The following DNAH12 variants were observed in gnomAD, a reference collection of about 807,000 sequenced individuals.
DNAH12 encodes axonemal beta dynein heavy chain 12.
Under a neutral mutation model 371.5 loss-of-function variants are expected in DNAH12, and 285 were observed. The ratio of observed to expected loss-of-function variants is 0.77; its 90% CI spans 0.70 to 0.85. The LOEUF (loss-of-function observed/expected upper bound fraction) is 0.85. DNAH12 is among the 40% of genes least tolerant of loss of function. The pLI, the probability that DNAH12 is intolerant of heterozygous loss-of-function variation, is 0.00. For missense variants in DNAH12, 3,611 were observed against 3,689.4 expected (o/e 0.98, Z 0.55); for synonymous variants, 1,200 against 1,213.0 (o/e 0.99, Z 0.22).
intron 2 of DNAH12, among the ~76,000 whole-genome samples, chr3:57,535,113 A>T (rs761166101): frequency 6.6e-6 from 1 of 152,240 alleles, no homozygotes; most frequent in Non-Finnish European, 1.5e-5. Context: ...CACATGGTTA[A>T]TAAGCTGCAG....
intron 55 of DNAH12, among the ~76,000 whole-genome samples, chr3:57,373,879 A>G (rs2063228657): frequency 6.6e-6 from 1 of 152,246 alleles, no homozygotes; most frequent in African/African-American, 2.4e-5. Context: ...TGCAAACTCA[A>G]TATGATTATA....
chr3:57,312,960 C>T (rs1293352817), intron 66 of DNAH12, among the ~76,000 whole-genome samples: 1 of 152,136 alleles, frequency 6.6e-6, no homozygotes, highest in Admixed American at 6.5e-5. Context: ...TGATTAAATG[C>T]TTATAGCCTT....
chr3:57,381,877 T>A (rs972776996), intron 50 of DNAH12, among the ~76,000 whole-genome samples: 14,331 of 137,818 alleles, frequency 0.1, 1,227 homozygotes, highest in East Asian at 0.39. Flanking sequence ...ATATATATAT[T>A]TTTTTTTTTA....
At chr3:57,393,637 A>AG (rs2063674657) in intron 44 of DNAH12, among the ~76,000 whole-genome samples, 2 of 143,194 alleles carry the variant, frequency 1.4e-5, no homozygotes, top group African/African-American at 5.8e-5. Flanking sequence ...AAAAAAAAAA[A>AG]AAAAAAAAAA....
At chr3:57,473,657 G>A (rs1203709285) in intron 13 of DNAH12, among the ~76,000 whole-genome samples, 2 of 150,094 alleles carry the variant, frequency 1.3e-5, no homozygotes, top group Non-Finnish European at 3.0e-5. Flanking sequence ...GCAAATTTGA[G>A]GTTTTTGATT....
Position 57,471,590 on chromosome 3 carries a change from T to G in DNAH12, c.1793A>C (p.Lys598Thr). ...CATTAGTTCATTTTCTTTTTTATGT[T>G]TAGCATTCTCAATTAGCTTTTTAAA... is the stretch of plus-strand genomic sequence containing the variant. Reference protein sequence around the residue: ...DENDELIENAKHKKENELMAK... With the variant: ...DENDELIENATHKKENELMAK... The change falls in exon 15 of 74, where the codon AAA becomes ACA. Residue 598 changes from lysine to threonine, a missense_variant. Around this residue, in one of 3 missense-constraint regions of DNAH12, gnomAD observed 1,314 missense variants for 1,398.7 expected, o/e 0.94. Transcript: ENST00000495027. 6.5e-7 allele frequency: 1 copy of G among 1,539,932 alleles called. No individual in the cohort carries two copies. Among genetic ancestry groups the G allele is most frequent in the Non-Finnish European group, 8.7e-7 (1 of 1,143,946 alleles).
At chr3:57,315,294 G>A (rs539851693) in intron 65 of DNAH12, among the ~76,000 whole-genome samples, 2 of 151,456 alleles carry the variant, frequency 1.3e-5, no homozygotes, top group African/African-American at 4.9e-5. Context: ...AATCCATCCA[G>A]CTATTTTCAT....
intron 43 of DNAH12, among the ~76,000 whole-genome samples, chr3:57,397,239 A>T (rs1345249601): frequency 6.6e-6 from 1 of 152,122 alleles, no homozygotes; most frequent in African/African-American, 2.4e-5. Flanking sequence ...GAACACAATT[A>T]CCTTTGTAAG....
At chr3:57,315,184 C>T (rs939929888) in intron 65 of DNAH12, among the ~76,000 whole-genome samples, 1 of 151,842 alleles carries the variant, frequency 6.6e-6, no homozygotes, top group Non-Finnish European at 1.5e-5. Flanking sequence ...AGAGGATGGT[C>T]GCCCAAGTCT....
rs1238205988 is a variant in DNAH12 at position 57,445,102 on chromosome 3, T to C, written c.4425+72A>G. On this transcript the variant is annotated intron_variant, in intron 28 of 73. Coordinates refer to ENST00000495027, the MANE Select transcript of DNAH12 (RefSeq NM_001366028.2). ...AACCCTCTCAAGTGCCTATTTGTAG[T>C]TCCTGATTAACCTCACTAAAGAAAA... is the stretch of plus-strand genomic sequence containing the variant. The C allele has an allele frequency of 2.8e-6, 4 of 1,436,104 alleles. No individual in the cohort carries two copies. In the African/African-American group the frequency reaches 4.3e-5, roughly 15 times the overall value. 89.0% of individuals were successfully genotyped at this position (1,436,104 alleles called of 1,614,324 possible). A position where few individuals can be genotyped will look rare whatever the true frequency, so the allele number is the denominator to read the frequency against.
chr3:57,448,879 G>C (rs2065641309), intron 25 of DNAH12, among the ~76,000 whole-genome samples: 1 of 149,498 alleles, frequency 6.7e-6, no homozygotes, highest in Non-Finnish European at 1.5e-5. Context: ...CTAAACACAG[G>C]GTGCTGATTG....
At chr3:57,382,869 C>T (rs2153343581) in intron 49 of DNAH12, among the ~76,000 whole-genome samples, 1 of 152,270 alleles carries the variant, frequency 6.6e-6, no homozygotes, top group East Asian at 1.9e-4. Flanking sequence ...GATTCACTTA[C>T]CCACTCCAAT....
rs1185841431 is a variant in DNAH12, at chr3:57,445,363, G to A, written c.4236C>T (p.Ile1412=). 1.1e-5 allele frequency: 17 copies of A among 1,551,394 alleles called. No individual in the cohort carries two copies. Among genetic ancestry groups the A allele is most frequent in the African/African-American group, 9.6e-5 (7 of 73,150 alleles). Residue 1412 remains isoleucine (I), a synonymous_variant, in exon 28 of 74, where the codon ATC becomes ATT. Transcript: ENST00000495027. ...TCAAAAATCCGTAAGAGTAGAGGGAGATTTCTGCTATAAGCGCATAGTTTG... is the reference window on the plus strand; with the variant it reads ...TCAAAAATCCGTAAGAGTAGAGGGAAATTTCTGCTATAAGCGCATAGTTTG... ...MVPNYALIAE[I]SLYSYGFLNA... is the part of the protein sequence containing the mutation.
At chr3:57,531,384 T>A (rs1418862907) in intron 2 of DNAH12, among the ~76,000 whole-genome samples, 1 of 152,214 alleles carries the variant, frequency 6.6e-6, no homozygotes, top group African/African-American at 2.4e-5. Context: ...CCAGACATAC[T>A]GGAGTTCCAT....
At chr3:57,347,534 G>A (rs992498711) in intron 60 of DNAH12, among the ~76,000 whole-genome samples, 5 of 152,010 alleles carry the variant, frequency 3.3e-5, no homozygotes, top group African/African-American at 1.2e-4. Context: ...TGGCCAACAT[G>A]GTAAAACCCT....
chr3:57,448,337 C>G (rs1051640992), intron 25 of DNAH12, among the ~76,000 whole-genome samples: 1 of 151,668 alleles, frequency 6.6e-6, no homozygotes, highest in Non-Finnish European at 1.5e-5. Context: ...TAAGGCAGCA[C>G]GTCTGGACTT....
intron 65 of DNAH12, among the ~76,000 whole-genome samples, chr3:57,318,626 A>T (rs749316857): frequency 6.6e-6 from 1 of 152,068 alleles, no homozygotes; most frequent in Non-Finnish European, 1.5e-5. Context: ...GCTCAAAGGA[A>T]ATGCTCATTA....
At chr3:57,303,036 A>G (rs1293212128) in intron 69 of DNAH12, among the ~76,000 whole-genome samples, 1 of 152,058 alleles carries the variant, frequency 6.6e-6, no homozygotes, top group African/African-American at 2.4e-5. Flanking sequence ...CATCATTTTT[A>G]CATTTTAAAA....
intron 20 of DNAH12, among the ~76,000 whole-genome samples, chr3:57,458,758 C>T (rs1354543685): frequency 6.6e-6 from 1 of 152,186 alleles, no homozygotes; most frequent in Non-Finnish European, 1.5e-5. Flanking sequence ...CATTCATTTA[C>T]AGATTATCTC....
Sources: gnomAD v4.1 joint callset for allele counts (sites outside exome capture counted in the v4.1 genomes callset) on GRCh38, gnomAD v4.1.1 for gene constraint, gnomAD v4.1.1 regional missense constraint, MANE v1.5 for transcripts, NCBI Gene and HGNC (gene_info 2026-07-23, HGNC 2026-07-21) for gene names.